RSRC1: variants seen among roughly 807,000 people sequenced by gnomAD.
RSRC1 encodes the protein arginine and serine rich coiled-coil 1.
Under a neutral mutation model 49.1 loss-of-function variants are expected in RSRC1, and 39 were observed. The ratio of observed to expected loss-of-function variants is 0.79; its 90% CI spans 0.61 to 1.04. The LOEUF is 1.04. Among genes scored for constraint, RSRC1 ranks in the 50% least tolerant of loss-of-function variants. The probability of loss-of-function intolerance (pLI) is 0.00; values close to 1 mark genes in which losing one functional copy is unlikely to be tolerated. For missense variants in RSRC1, 388 were observed against 402.4 expected (o/e 0.96, Z 0.31); for synonymous variants, 143 against 130.8 (o/e 1.09, Z -0.63).
intron 6 of RSRC1, among the ~76,000 whole-genome samples, chr3:158,376,988 G>A (rs1732413240): frequency 6.6e-6 from 1 of 152,048 alleles, no homozygotes. Context: ...GGTCAAAGTT[G>A]GTATCCTTCA....
intron 1 of RSRC1, among the ~76,000 whole-genome samples, chr3:158,111,254 C>T (rs1435896590): frequency 2.0e-5 from 3 of 152,200 alleles, no homozygotes; most frequent in Non-Finnish European, 4.4e-5. Flanking sequence ...TAAATATTCA[C>T]TTTCTTTGCA....
intron 7 of RSRC1, among the ~76,000 whole-genome samples, chr3:158,521,918 T>C (rs1473185894): frequency 1.3e-5 from 2 of 152,136 alleles, no homozygotes; most frequent in Non-Finnish European, 2.9e-5. Context: ...TGTCTCAGTT[T>C]AATCTAGCAA....
chr3:158,422,511 T>C (rs1735135756), intron 6 of RSRC1, among the ~76,000 whole-genome samples: 2 of 151,348 alleles, frequency 1.3e-5, no homozygotes, highest in South Asian at 4.2e-4. Flanking sequence ...GTCTTTGCTA[T>C]TGTGAATAAT....
intron 4 of RSRC1, among the ~76,000 whole-genome samples, chr3:158,231,860 G>T (rs552268285): frequency 6.6e-6 from 1 of 151,880 alleles, no homozygotes; most frequent in Non-Finnish European, 1.5e-5. Context: ...TTACTTTACC[G>T]TACTTTTAAT....
chr3:158,513,696 T>A (rs576309748), intron 7 of RSRC1, among the ~76,000 whole-genome samples: 128 of 152,300 alleles, frequency 8.4e-4, no homozygotes, highest in Middle Eastern at 3.4e-3. Context: ...GAATGGTACC[T>A]GTTCCTCGTT....
chr3:158,423,370 A>C (rs1022183943), intron 6 of RSRC1, among the ~76,000 whole-genome samples: 19 of 152,008 alleles, frequency 1.2e-4, no homozygotes, highest in Non-Finnish European at 2.2e-4. Context: ...CAGGTTTGTC[A>C]AAGATCAGAT....
chr3:158,122,060 G>T, intron 1 of RSRC1, 43 bp from the exon 2 acceptor site: 1 of 1,175,384 alleles, frequency 8.5e-7, no homozygotes, highest in East Asian at 2.8e-5. Flanking sequence ...CATCCATTGT[G>T]CCACCATGTT....
chr3:158,275,740 A>G, intron 4 of RSRC1: 1 of 409,632 alleles, frequency 2.4e-6, no homozygotes, highest in South Asian at 4.9e-5. Context: ...ACAGACAAAT[A>G]ACACCTGTAA....
chr3:158,161,267 A>G (rs2108225556), intron 3 of RSRC1, among the ~76,000 whole-genome samples: 2 of 152,232 alleles, frequency 1.3e-5, no homozygotes, highest in Middle Eastern at 6.8e-3. Flanking sequence ...TTGGGTGTTG[A>G]GATCAGCTCT....
rs1352406728 is a variant in RSRC1, at chr3:158,137,674, A to G, written c.320+13683A>G. 8.1e-5 allele frequency among the ~76,000 whole-genome samples: 11 copies of G among 135,226 alleles called. No individual in the cohort carries two copies. In the East Asian group the frequency reaches 2.4e-3, roughly 29 times the overall value. The allele number at this position is 135,226 out of a possible 152,430, so 88.7% of individuals were successfully genotyped here. ...CTTTTTCTTTTTTTTTTTTTTTGAG[A>G]TGGAGTCTTGCACCTGTCGCCCAGG... is the stretch of plus-strand genomic sequence containing the variant. On this transcript the variant is annotated intron_variant, in intron 3 of 9. Transcript: ENST00000611884.
chr3:158,408,768 G>C (rs1351868946), intron 6 of RSRC1, among the ~76,000 whole-genome samples: 1 of 151,964 alleles, frequency 6.6e-6, no homozygotes, highest in Non-Finnish European at 1.5e-5. Flanking sequence ...GTGGTGGCTC[G>C]TGCCTGTAAT....
chr3:158,477,798 T>TTTTATATATATATATATATA lies in RSRC1; in HGVS notation c.652+16796_652+16797insTTATATATATATATATATAT, dbSNP rs1485762587. 6.7e-3 allele frequency among the ~76,000 whole-genome samples: 600 copies of TTTTATATATATATATATATA among 89,700 alleles called. 64 individuals carry two copies. Among genetic ancestry groups the TTTTATATATATATATATATA allele is most frequent in the African/African-American group, 0.011 (233 of 21,618 alleles). 58.8% of individuals were successfully genotyped at this position (89,700 alleles called of 152,430 possible). ...TGATGGGATAGGTTGCGGGAGGGATTTATATATATATATATATATATATAT... is the reference window on the plus strand; with the variant it reads ...TGATGGGATAGGTTGCGGGAGGGATTTTTATATATATATATATATATATATATATATATATATATATATAT... On this transcript the variant is annotated intron_variant, in intron 7 of 9. Transcript: ENST00000611884.
chr3:158,515,675 A>G (rs1008657719), intron 7 of RSRC1, among the ~76,000 whole-genome samples: 1 of 140,664 alleles, frequency 7.1e-6, no homozygotes, highest in Non-Finnish European at 1.5e-5. Context: ...GTTCTCCTGG[A>G]TAATATCCTG....
intron 3 of RSRC1, among the ~76,000 whole-genome samples, chr3:158,197,909 CA>C (rs1335984427): frequency 2.6e-5 from 4 of 152,046 alleles, no homozygotes; most frequent in African/African-American, 4.8e-5. Flanking sequence ...GCTTTATTCC[CA>C]CTATGTGGTC....
intron 1 of RSRC1, among the ~76,000 whole-genome samples, chr3:158,116,754 A>C (rs999796536): frequency 6.6e-6 from 1 of 152,140 alleles, no homozygotes; most frequent in African/African-American, 2.4e-5. Context: ...AGTGTTGTAG[A>C]GATCCCCAAG....
chr3:158,488,079 T>G (rs1738905443), intron 7 of RSRC1, among the ~76,000 whole-genome samples: 1 of 151,714 alleles, frequency 6.6e-6, no homozygotes, highest in Non-Finnish European at 1.5e-5. Flanking sequence ...GCAAAGAGAT[T>G]ATTGTGCACA....
At chr3:158,507,758 C>T (rs764592488) in intron 7 of RSRC1, among the ~76,000 whole-genome samples, 20 of 152,058 alleles carry the variant, frequency 1.3e-4, no homozygotes, top group African/African-American at 2.7e-4. Context: ...AATAAGAATT[C>T]GAATAATGTA....
chr3:158,499,388 CAG>C (rs1739493506), intron 7 of RSRC1, among the ~76,000 whole-genome samples: 1 of 151,574 alleles, frequency 6.6e-6, no homozygotes, highest in African/African-American at 2.4e-5. Flanking sequence ...AACAAAAAAA[CAG>C]AGTTTTTTTT....
chr3:158,267,171 A>C (rs1052513206), intron 4 of RSRC1, among the ~76,000 whole-genome samples: 1 of 152,172 alleles, frequency 6.6e-6, no homozygotes, highest in South Asian at 2.1e-4. Context: ...GGTTGTTCCA[A>C]TGCCTTCTGG....
Sources: allele counts gnomAD v4.1 joint callset (sites outside exome capture counted in the v4.1 genomes callset), GRCh38; gene constraint gnomAD v4.1.1; transcripts MANE v1.5; gene names NCBI Gene and HGNC (gene_info 2026-07-23, HGNC 2026-07-21).